Variants in AIG1 observed in about 807,000 individuals in gnomAD.
AIG1 encodes the protein androgen induced 1, also known as androgen-induced gene 1 protein.
AIG1 carries 23 observed loss-of-function variants against 31.4 expected under a neutral mutation model. The observed-to-expected ratio is 0.73, with a 90% CI of 0.53 to 1.04. The LOEUF (loss-of-function observed/expected upper bound fraction) is 1.04. AIG1 is among the 50% of genes least tolerant of loss of function. The probability of loss-of-function intolerance (pLI) is 0.00; values close to 1 mark genes in which losing one functional copy is unlikely to be tolerated. For synonymous variants in AIG1, 100 were observed against 110.5 expected (o/e 0.90, Z 0.60); for missense variants, 274 against 295.0 (o/e 0.93, Z 0.52).
At chr6:143,262,173 T>C (rs1247186905) in intron 3 of AIG1, among the ~76,000 whole-genome samples, 3 of 152,204 alleles carry the variant, frequency 2.0e-5, no homozygotes, top group African/African-American at 7.2e-5. Flanking sequence ...AGCAAAATCA[T>C]CTCTATATTA....
intron 2 of AIG1, among the ~76,000 whole-genome samples, chr6:143,151,422 T>G (rs1168187071): frequency 2.6e-5 from 4 of 152,202 alleles, no homozygotes; most frequent in Admixed American, 2.6e-4. Flanking sequence ...CAAAAGTTCT[T>G]TTCCCATTGC....
At chr6:143,064,374 G>A (rs933544312) in intron 1 of AIG1, among the ~76,000 whole-genome samples, 2 of 152,188 alleles carry the variant, frequency 1.3e-5, no homozygotes, top group Non-Finnish European at 2.9e-5. Flanking sequence ...GGAGGATGGA[G>A]CCAGGAGACA....
Position 143,190,028 on chromosome 6 carries a change from T to C in AIG1, c.399+24845T>C, listed in dbSNP as rs112954793. The C allele has an allele frequency of 3.5e-4, 168 of 475,294 alleles. 1 individual carries two copies. The highest frequency in any genetic ancestry group is 3.4e-3 in the African/African-American group (159 of 47,278). 29.4% of individuals were successfully genotyped at this position (475,294 alleles called of 1,614,324 possible). ...CATGGTGGAAGGAACAAGTAATCTC[T>C]CTGGAGCCTCTTTTAAAAGCCCACC... On this transcript the variant is annotated intron_variant, in intron 3 of 5. Coordinates refer to ENST00000357847, the MANE Select transcript of AIG1 (RefSeq NM_016108.4).
chr6:143,227,206 A>G (rs1047355286), intron 3 of AIG1, among the ~76,000 whole-genome samples: 5 of 152,184 alleles, frequency 3.3e-5, no homozygotes, highest in African/African-American at 1.2e-4. Flanking sequence ...AGGTTGTCCC[A>G]GAAAGCAAGA....
At position 143,326,026 on chromosome 6, in the gene AIG1, A is replaced by G. The variant is rs1053558001; in HGVS notation, c.516-7256A>G. Among the ~76,000 whole-genome samples the G allele has an allele frequency of 6.6e-6, 1 of 152,190 alleles. No homozygotes were observed. Among genetic ancestry groups the G allele is most frequent in the Non-Finnish European group, 1.5e-5 (1 of 68,022 alleles). ...TGACAATCTCCAGCACGCCACACTC[A>G]TGACTCAACAGTTTGATAGACACTG... On this transcript the variant is annotated intron_variant, in intron 4 of 5. Transcript: ENST00000357847. The surrounding 1 kb of genome is among the most constrained non-coding windows in gnomAD (Gnocchi z 4.5).
At chr6:143,147,517 C>A (rs938584362) in intron 2 of AIG1, among the ~76,000 whole-genome samples, 1 of 152,034 alleles carries the variant, frequency 6.6e-6, no homozygotes, top group Non-Finnish European at 1.5e-5. Flanking sequence ...AAGAAGACTC[C>A]GCACTCCCTT....
chr6:143,182,011 CTCTT>C lies in AIG1; in HGVS notation c.399+16830_399+16833del, dbSNP rs550317291. On this transcript the variant is annotated intron_variant, in intron 3 of 5. Transcript: ENST00000357847. The stretch of plus-strand genomic sequence containing the variant: ...TCTCTCTTTCTCTCACTCTCTCTCT[CTCTT>C]TTTTTTTCTTTTTTTTCTTTTTAAA... Among the ~76,000 whole-genome samples the C allele has an allele frequency of 1.5e-3, 229 of 152,092 alleles. 1 individual carries two copies. The highest frequency in any genetic ancestry group is 5.3e-3 in the African/African-American group (221 of 41,480).
At chr6:143,270,955 T>C (rs1796482370) in intron 3 of AIG1, among the ~76,000 whole-genome samples, 1 of 152,240 alleles carries the variant, frequency 6.6e-6, no homozygotes. Context: ...TGTGTGCATA[T>C]GCACAGGCAC....
intron 4 of AIG1, among the ~76,000 whole-genome samples, chr6:143,310,392 A>G (rs1221150449): frequency 6.6e-6 from 1 of 151,864 alleles, no homozygotes. Context: ...CTAATAAATA[A>G]CCCATGGTTC....
At chr6:143,061,772 C>A (rs1776281970) in intron 1 of AIG1, among the ~76,000 whole-genome samples, 1 of 152,210 alleles carries the variant, frequency 6.6e-6, no homozygotes. Flanking sequence ...ATATGATAAT[C>A]TTGACAGGTG....
intron 1 of AIG1, among the ~76,000 whole-genome samples, chr6:143,093,157 A>G (rs1779458332): frequency 6.6e-6 from 1 of 152,226 alleles, no homozygotes; most frequent in Non-Finnish European, 1.5e-5. Flanking sequence ...ATCTTCTTCT[A>G]ATAGAAGGTT....
At chr6:143,187,565 T>C in intron 3 of AIG1, 1 of 1,536,058 alleles carries the variant, frequency 6.5e-7, no homozygotes, top group Non-Finnish European at 8.7e-7. Context: ...CATAAAAATA[T>C]GAAAAGCAAC....
intron 1 of AIG1, among the ~76,000 whole-genome samples, chr6:143,091,764 T>A (rs1203171661): frequency 6.6e-6 from 1 of 152,218 alleles, no homozygotes; most frequent in Non-Finnish European, 1.5e-5. Context: ...GTACTAAAGT[T>A]AAAGGTTCCA....
At chr6:143,226,158 G>A (rs1193908208) in intron 3 of AIG1, among the ~76,000 whole-genome samples, 1 of 151,964 alleles carries the variant, frequency 6.6e-6, no homozygotes, top group African/African-American at 2.4e-5. Flanking sequence ...TTACAAAAGT[G>A]CTCAGGTATA....
intron 2 of AIG1, among the ~76,000 whole-genome samples, chr6:143,157,578 A>T (rs748934585): frequency 1.3e-5 from 2 of 151,450 alleles, no homozygotes; most frequent in Non-Finnish European, 2.9e-5. Flanking sequence ...TTTTCAGTGT[A>T]TCTGGTCCAC....
rs543468625 is a variant in AIG1 at position 143,262,550 on chromosome 6, A to G, written c.400-21560A>G. Among the ~76,000 whole-genome samples the G allele has an allele frequency of 2.0e-5, 3 of 152,356 alleles. No homozygotes were observed. In the East Asian group the frequency reaches 5.8e-4, roughly 29 times the overall value. ...ATGATGGAAGGTGCTGCCAAGAATC[A>G]CATTAACTTACTACTTGATAAATAC... On this transcript the variant is annotated intron_variant, in intron 3 of 5. Transcript: ENST00000357847.
chr6:143,177,036 A>G (rs1242680343), intron 3 of AIG1, among the ~76,000 whole-genome samples: 1 of 152,212 alleles, frequency 6.6e-6, no homozygotes, highest in Non-Finnish European at 1.5e-5. Context: ...TTATTTTAAA[A>G]GAACTGCCTT....
At chr6:143,077,058 A>G (rs1777802424) in intron 1 of AIG1, among the ~76,000 whole-genome samples, 1 of 152,178 alleles carries the variant, frequency 6.6e-6, no homozygotes, top group Non-Finnish European at 1.5e-5. Flanking sequence ...AGTGATTACC[A>G]TATACAAACT....
intron 2 of AIG1, among the ~76,000 whole-genome samples, chr6:143,146,048 T>C (rs1269218788): frequency 6.6e-6 from 1 of 152,178 alleles, no homozygotes; most frequent in Non-Finnish European, 1.5e-5. Flanking sequence ...AAGCTCCATA[T>C]AAAATTTGTC....
Sources: allele counts gnomAD v4.1 joint callset (sites outside exome capture counted in the v4.1 genomes callset), GRCh38; gene constraint gnomAD v4.1.1; non-coding constraint Gnocchi (gnomAD v3.1); transcripts MANE v1.5; gene names NCBI Gene and HGNC (gene_info 2026-07-23, HGNC 2026-07-21).